The following FAM50B variants were observed in gnomAD, a reference collection of about 807,000 sequenced individuals.
The protein encoded by FAM50B is family with sequence similarity 50 member B, also known as protein FAM50B.
In FAM50B, 9 loss-of-function variants were observed where a neutral mutation model predicts 25.4. That is an observed-to-expected ratio of 0.35 (90% CI 0.21 to 0.62). The LOEUF is 0.62. Among genes scored for constraint, FAM50B ranks in the 20% least tolerant of loss-of-function variants. FAM50B has a pLI of 0.73. For missense variants in FAM50B, 372 were observed against 477.9 expected, an observed-to-expected ratio of 0.78 and a Z score of 2.07; for synonymous variants, 212 against 204.3, an observed-to-expected ratio of 1.04 and a Z score of -0.32.
chr6:3,846,657 T>C (rs1300605204), upstream of FAM50B, among the ~76,000 whole-genome samples: 1 of 152,252 alleles, frequency 6.6e-6, no homozygotes, highest in East Asian at 1.9e-4. Context: ...CTTCTGTTAA[T>C]GTTGATATTT....
the FAM50B span, among the ~76,000 whole-genome samples, chr6:3,840,882 A>T: frequency 3.3e-5 from 5 of 152,254 alleles, no homozygotes; most frequent in Non-Finnish European, 5.9e-5. Flanking sequence ...TGTACATTTA[A>T]TAAGAAATGA....
Position 3,850,302 on chromosome 6 carries a change from G to A in FAM50B, c.491G>A (p.Arg164Gln), listed in dbSNP as rs1308750625. ...CGCGACCGCGAGGAGGAGGAGAACCGGCTCCGAGAGGAGCTGCGCCAAGAG... is the reference window on the plus strand; with the variant it reads ...CGCGACCGCGAGGAGGAGGAGAACCAGCTCCGAGAGGAGCTGCGCCAAGAG... ...PDRDREEEEN[R>Q]LREELRQEWE... Residue 164 changes from arginine (R) to glutamine (Q), a missense_variant, in exon 2 of 2, where the codon CGG becomes CAG. Around this residue, in one of 4 missense-constraint regions of FAM50B, gnomAD observed 224 missense variants for 232.2 expected, o/e 0.96. Coordinates refer to ENST00000648326, the MANE Select transcript of FAM50B (RefSeq NM_012135.3). 3 of 1,613,306 alleles carry A rather than the reference G, an allele frequency of 1.9e-6. No individual in the cohort carries two copies. The South Asian group carries it at 3.3e-5, about 18-fold the overall frequency.
chr6:3,834,036 C>T, the FAM50B span: 1 of 151,728 alleles, frequency 6.6e-6, no homozygotes, highest in African/African-American at 2.4e-5. Flanking sequence ...TAGCTATGAC[C>T]CATGGGGCAG....
chr6:3,833,850 C>G, the FAM50B span: 1 of 152,172 alleles, frequency 6.6e-6, no homozygotes, highest in Non-Finnish European at 1.5e-5. Flanking sequence ...GGCCTCTGAT[C>G]TTTTCAGATA....
chr6:3,841,861 GAACA>G, the FAM50B span, among the ~76,000 whole-genome samples: 1 of 152,202 alleles, frequency 6.6e-6, no homozygotes, highest in Non-Finnish European at 1.5e-5. Flanking sequence ...GCAGCTCCAG[GAACA>G]GCCTTGCCTG....
chr6:3,837,810 G>A, the FAM50B span, among the ~76,000 whole-genome samples: 2 of 152,078 alleles, frequency 1.3e-5, no homozygotes, highest in Admixed American at 6.5e-5. Flanking sequence ...CCTCCCTTGT[G>A]ATAACTAACC....
At chr6:3,833,014 C>T in the FAM50B span, among the ~76,000 whole-genome samples, 1 of 152,112 alleles carries the variant, frequency 6.6e-6, no homozygotes, top group East Asian at 1.9e-4. Context: ...GCATGTGCCA[C>T]CACACTCGGC....
At chr6:3,836,151 C>T in the FAM50B span, among the ~76,000 whole-genome samples, 1 of 152,326 alleles carries the variant, frequency 6.6e-6, no homozygotes, top group African/African-American at 2.4e-5. Flanking sequence ...TAAAACAACA[C>T]AGCAGTAGCA....
chr6:3,841,993 G>A, the FAM50B span, among the ~76,000 whole-genome samples: 4 of 152,232 alleles, frequency 2.6e-5, no homozygotes, highest in African/African-American at 9.6e-5. Context: ...CCCAGTCAAA[G>A]GTCCAGCAGA....
the FAM50B span, among the ~76,000 whole-genome samples, chr6:3,833,446 T>A: frequency 6.6e-6 from 1 of 152,206 alleles, no homozygotes. Flanking sequence ...GGTGAGCATT[T>A]GCTCATTTCA....
chr6:3,848,790 A>T (rs1399118986), upstream of FAM50B, among the ~76,000 whole-genome samples: 1 of 152,204 alleles, frequency 6.6e-6, no homozygotes, highest in Admixed American at 6.5e-5. Flanking sequence ...TAGAGCTTAG[A>T]ACCCGGGGGA....
chr6:3,832,106 T>C, the FAM50B span: 51 of 152,308 alleles, frequency 3.3e-4, no homozygotes, highest in African/African-American at 1.2e-3. Flanking sequence ...GCGTGTTGAA[T>C]GTCAAGCAAA....
the FAM50B span, among the ~76,000 whole-genome samples, chr6:3,838,233 G>A: frequency 6.6e-6 from 1 of 151,686 alleles, no homozygotes; most frequent in Non-Finnish European, 1.5e-5. Flanking sequence ...ATTACTTCAG[G>A]CCAGGAGTTT....
upstream of FAM50B, among the ~76,000 whole-genome samples, chr6:3,845,767 T>G (rs1458584579): frequency 6.6e-6 from 1 of 151,992 alleles, no homozygotes; most frequent in Non-Finnish European, 1.5e-5. Flanking sequence ...CAGGCTGGAG[T>G]GCAGTGGTGC....
chr6:3,850,118 C>T lies in FAM50B; in HGVS notation c.307C>T (p.Arg103Trp), dbSNP rs749394834. ...HLEEQRLQQERQREQEQRRER... is the reference protein window; with the variant it reads ...HLEEQRLQQEWQREQEQRRER... ...GGAGGAGCAGCGGCTGCAGCAGGAG[C>T]GGCAGCGGGAGCAGGAGCAGCGGCG... Residue 103 changes from arginine to tryptophan, a missense_variant, in exon 2 of 2, where the codon CGG (arginine) becomes TGG (tryptophan). Arg to Trp is a moderately radical substitution (Grantham distance 101). Around this residue, in one of 4 missense-constraint regions of FAM50B, gnomAD observed 224 missense variants for 232.2 expected, o/e 0.96. Transcript: ENST00000648326. 5 of 1,607,862 alleles carry T rather than the reference C, an allele frequency of 3.1e-6. No individual in the cohort carries two copies. The highest frequency in any genetic ancestry group is 4.2e-6 in the Non-Finnish European group (5 of 1,177,998).
the FAM50B span, among the ~76,000 whole-genome samples, chr6:3,839,551 C>T: frequency 6.6e-6 from 1 of 152,120 alleles, no homozygotes; most frequent in Non-Finnish European, 1.5e-5. Flanking sequence ...CCATTCTGTT[C>T]CTGCTTATAG....
the FAM50B span, among the ~76,000 whole-genome samples, chr6:3,837,600 G>A: frequency 6.1e-3 from 925 of 152,264 alleles, 7 homozygotes; most frequent in African/African-American, 0.021. Context: ...CCCATTTTAT[G>A]TTGCTATAAT....
upstream of FAM50B, among the ~76,000 whole-genome samples, chr6:3,847,611 C>T (rs1049935166): frequency 1.3e-5 from 2 of 152,226 alleles, no homozygotes; most frequent in African/African-American, 4.8e-5. Flanking sequence ...AGCAATAAGG[C>T]TGTTTTGCTT....
At chr6:3,848,747 C>T (rs937038280), upstream of FAM50B, among the ~76,000 whole-genome samples, 1 of 152,178 alleles carries the variant, frequency 6.6e-6, no homozygotes, top group Admixed American at 6.5e-5. Context: ...AGTAAAGACA[C>T]TGCTACACTT....
Sources: gnomAD v4.1 joint callset for allele counts (sites outside exome capture counted in the v4.1 genomes callset) on GRCh38, gnomAD v4.1.1 for gene constraint, gnomAD v4.1.1 regional missense constraint, MANE v1.5 for transcripts, NCBI Gene and HGNC (gene_info 2026-07-23, HGNC 2026-07-21) for gene names.